RAB44: variants seen among roughly 807,000 people sequenced by gnomAD.
RAB44 encodes ras-related protein Rab-44.
RAB44 carries 67 observed loss-of-function variants against 93.3 expected under a neutral mutation model. The ratio of observed to expected loss-of-function variants is 0.72; its 90% CI spans 0.59 to 0.88. RAB44 has a LOEUF of 0.88. Among genes scored for constraint, RAB44 ranks in the 40% least tolerant of loss-of-function variants. RAB44 has a pLI of 0.00. For missense variants in RAB44, 1,064 were observed against 1,261.7 expected, an observed-to-expected ratio of 0.84 and a Z score of 2.37; for synonymous variants, 427 against 520.3, an observed-to-expected ratio of 0.82 and a Z score of 2.44.
intron 7 of RAB44, 21 bp downstream of exon 7, chr6:36,718,609 G>C (rs998245640): frequency 2.5e-6 from 3 of 1,192,718 alleles, no homozygotes; most frequent in Non-Finnish European, 3.2e-6. Context: ...GGGTTTCCCA[G>C]AAACCTACTT....
At chr6:36,723,832 C>G (rs1763161260) in intron 9 of RAB44, among the ~76,000 whole-genome samples, 2 of 35,614 alleles carry the variant, frequency 5.6e-5, no homozygotes, top group Admixed American at 4.3e-4. Flanking sequence ...AAGATTCCGT[C>G]TCCCAAAAAA....
In RAB44 at chr6:36,723,343, T is replaced by C. The variant is rs141608246; in HGVS notation, c.2599+610T>C. 1.5e-4 allele frequency among the ~76,000 whole-genome samples: 23 copies of C among 152,336 alleles called. No individual in the cohort carries two copies. The East Asian group carries it at 4.2e-3, about 28-fold the overall frequency. ...TAGAGTGGTTGAGGACTAGTTAATA[T>C]GTCAAGATCTTAGAATCATAACTGA... is the stretch of plus-strand genomic sequence containing the variant. On this transcript the variant is annotated intron_variant, in intron 9 of 13. Transcript: ENST00000612677.
In RAB44 at chr6:36,721,253, A is replaced by T; in HGVS notation, c.1119A>T (p.Leu373=). The change falls in exon 9 of 14, where the codon CTA becomes CTT. Residue 373 remains leucine (L), a synonymous_variant. Coordinates refer to ENST00000612677, the MANE Select transcript of RAB44 (RefSeq NM_001257357.2). ...GGGACAACGATGACTGGGACCAGCTACTGAGCAACTTTGGCAGCCCTCCGC... is the reference window on the plus strand; with the variant it reads ...GGGACAACGATGACTGGGACCAGCTTCTGAGCAACTTTGGCAGCCCTCCGC... ...LFGDNDDWDQ[L]LSNFGSPPHG... is the part of the protein sequence containing the mutation. 8.1e-7 allele frequency: 1 copy of T among 1,234,240 alleles called. No homozygotes were observed. The highest frequency in any genetic ancestry group is 1.0e-6 in the Non-Finnish European group (1 of 988,248). 76.5% of individuals were successfully genotyped at this position (1,234,240 alleles called of 1,614,324 possible).
At chr6:36,698,523 G>T (rs866249539) in intron 1 of RAB44, among the ~76,000 whole-genome samples, 1 of 152,156 alleles carries the variant, frequency 6.6e-6, no homozygotes, top group South Asian at 2.1e-4. Context: ...CTTGGGAGTG[G>T]GATTCATTTG....
At chr6:36,729,639 C>T (rs1049186293) in intron 12 of RAB44, among the ~76,000 whole-genome samples, 11 of 152,132 alleles carry the variant, frequency 7.2e-5, no homozygotes, top group Admixed American at 2.0e-4. Flanking sequence ...TGTGCCACCA[C>T]GCCCGGCTAA....
In RAB44 at chr6:36,709,203, G is replaced by A. The variant is rs140443297; in HGVS notation, c.208-4625G>A. Among the ~76,000 whole-genome samples, 718 of 152,044 alleles carry A rather than the reference G, an allele frequency of 4.7e-3. 7 individuals are homozygous for A. The highest frequency in any genetic ancestry group is 0.016 in the African/African-American group (677 of 41,482). ...TAACCTCAGGTGATCCACCCGCCTC[G>A]GCCTCCCAAAGTGCTGGGATTACAG... On this transcript the variant is annotated intron_variant, in intron 2 of 13. Transcript: ENST00000612677.
rs966828962 is a variant in RAB44 at position 36,704,290 on chromosome 6, C to T, written c.55C>T (p.Arg19Trp). ...AGTCCGGAAGCTGGGCTCCAACCGGCGGCGGCAGACAAGAGAGCCAGCTGA... is the reference window on the plus strand; with the variant it reads ...AGTCCGGAAGCTGGGCTCCAACCGGTGGCGGCAGACAAGAGAGCCAGCTGA... ...RKVRKLGSNR[R>W]RQTREPADGE... The change falls in exon 2 of 14, where the codon CGG (arginine) becomes TGG (tryptophan). Residue 19 changes from arginine (R) to tryptophan (W), a missense_variant. By Grantham distance (101) the Arg-to-Trp change is moderately radical (BLOSUM62 -3). Coordinates refer to ENST00000612677, the MANE Select transcript of RAB44 (RefSeq NM_001257357.2). 9 of 1,536,044 alleles carry T rather than the reference C, an allele frequency of 5.9e-6. No individual in the cohort carries two copies. The highest frequency in any genetic ancestry group is 4.1e-5 in the African/African-American group (3 of 73,046).
At chr6:36,707,494 A>G (rs1762677943) in intron 2 of RAB44, among the ~76,000 whole-genome samples, 1 of 152,248 alleles carries the variant, frequency 6.6e-6, no homozygotes, top group African/African-American at 2.4e-5. Flanking sequence ...ACAAAGAGCC[A>G]TAACTAGATT....
In RAB44 at chr6:36,714,870, C is replaced by T. The variant is rs565105665; in HGVS notation, c.320-609C>T. ...CTGGCTCACTCAGTGCCATTCACCTCGTCCATCTTGCTAGCCTGGCTCCTG... is the reference window on the plus strand; with the variant it reads ...CTGGCTCACTCAGTGCCATTCACCTTGTCCATCTTGCTAGCCTGGCTCCTG... On this transcript the variant is annotated intron_variant, in intron 3 of 13. Transcript: ENST00000612677. 5.3e-5 allele frequency among the ~76,000 whole-genome samples: 8 copies of T among 152,364 alleles called. 1 individual carries two copies. The highest frequency in any genetic ancestry group is 3.9e-4 in the Admixed American group (6 of 15,302).
rs1326316373 is a variant in RAB44, at chr6:36,732,998, G to A, written c.*905G>A. ...ACACACTTCTATTTGGAGCTTTTGT[G>A]GAAGTTTCCAGAATTCCATAATATT... On this transcript the variant is annotated 3_prime_UTR_variant, in exon 14 of 14. Coordinates refer to ENST00000612677, the MANE Select transcript of RAB44 (RefSeq NM_001257357.2). 1 of 152,180 alleles carries A rather than the reference G, an allele frequency of 6.6e-6. No homozygotes were observed. The highest frequency in any genetic ancestry group is 1.5e-5 in the Non-Finnish European group (1 of 68,034). 9.4% of individuals were successfully genotyped at this position (152,180 alleles called of 1,614,324 possible). A position where few individuals can be genotyped will look rare whatever the true frequency, so the allele number is the denominator to read the frequency against.
chr6:36,713,446 T>G (rs747847834), intron 2 of RAB44, among the ~76,000 whole-genome samples: 5 of 152,186 alleles, frequency 3.3e-5, no homozygotes, highest in Non-Finnish European at 7.3e-5. Flanking sequence ...TCCACCCACC[T>G]CGACCTCCCA....
rs371155014 is a variant in RAB44 at position 36,726,053 on chromosome 6, A to G, written c.2681+110A>G. ...GGCAGGAGGCAACTGCCCCCCAAGG[A>G]TTCAGGAGGTCAGGGAAGGAGAGAT... On this transcript the variant is annotated intron_variant, in intron 10 of 13. Coordinates refer to ENST00000612677, the MANE Select transcript of RAB44 (RefSeq NM_001257357.2). The G allele has an allele frequency of 7.9e-5, 64 of 814,444 alleles. 1 individual carries two copies. In the East Asian group the frequency reaches 8.7e-4, roughly 11 times the overall value. The allele number at this position is 814,444 out of a possible 1,614,324, so 50.5% of individuals were successfully genotyped here. A position where few individuals can be genotyped will look rare whatever the true frequency, so the allele number is the denominator to read the frequency against.
intron 1 of RAB44, among the ~76,000 whole-genome samples, chr6:36,701,946 CAT>C (rs58416452): frequency 0.11 from 17,168 of 152,076 alleles, 1,153 homozygotes; most frequent in African/African-American, 0.18. Context: ...TTAAAGGAAA[CAT>C]ATGGATTGCA....
At position 36,730,705 on chromosome 6, in the gene RAB44, C is replaced by T. The variant is rs1484302656; in HGVS notation, c.2931C>T (p.Ala977=). ...ELGVYFGECS[A]ALGHNILEPV... ...GGGTCTATTTTGGGGAGTGCAGTGC[C>T]GCCTTGGGTCACAACATCCTGGAGC... The change falls in exon 13 of 14, where the codon GCC becomes GCT. Residue 977 remains alanine (A), a synonymous_variant. Transcript: ENST00000612677. 1.9e-5 allele frequency: 23 copies of T among 1,234,240 alleles called. No homozygotes were observed. Among genetic ancestry groups the T allele is most frequent in the Admixed American group, 4.2e-5 (1 of 23,714 alleles). 76.5% of individuals were successfully genotyped at this position (1,234,240 alleles called of 1,614,324 possible). A position where few individuals can be genotyped will look rare whatever the true frequency, so the allele number is the denominator to read the frequency against.
intron 13 of RAB44, 65 bp downstream of exon 13, chr6:36,730,814 G>C: frequency 4.0e-6 from 3 of 751,734 alleles, no homozygotes; most frequent in Non-Finnish European, 3.3e-6. Context: ...GGACAGCTCC[G>C]GCCCCACTCT....
intron 7 of RAB44, among the ~76,000 whole-genome samples, 180 bp from the exon 8 acceptor site, chr6:36,720,183 A>AAT (rs1763035186): frequency 6.6e-6 from 1 of 152,042 alleles, no homozygotes; most frequent in African/African-American, 2.4e-5. Flanking sequence ...CCTCCTAGAT[A>AAT]GGAGCTAATG....
chr6:36,699,192 G>T (rs1762454421), intron 1 of RAB44, among the ~76,000 whole-genome samples: 1 of 152,170 alleles, frequency 6.6e-6, no homozygotes, highest in Non-Finnish European at 1.5e-5. Context: ...GAGGGCAGAT[G>T]CTGAGGTGGG....
At position 36,720,475 on chromosome 6, in the gene RAB44, G is replaced by A; in HGVS notation, c.941G>A (p.Gly314Glu). ...DLAGRLEEVR[G>E]QLQVTRGRLD... The stretch of plus-strand genomic sequence containing the variant: ...GCTGGGCGGCTGGAGGAGGTGCGGG[G>A]GCAGCTGCAGGTGACCAGGGGGCGC... Residue 314 changes from glycine to glutamate, a missense_variant, in exon 8 of 14, where the codon GGG becomes GAG. Gly to Glu is a moderately conservative substitution (Grantham distance 98). Coordinates refer to ENST00000612677, the MANE Select transcript of RAB44 (RefSeq NM_001257357.2). 1 of 1,233,138 alleles carries A rather than the reference G, an allele frequency of 8.1e-7. No homozygotes were observed. The highest frequency in any genetic ancestry group is 1.0e-6 in the Non-Finnish European group (1 of 988,364). The allele number at this position is 1,233,138 out of a possible 1,614,324, so 76.4% of individuals were successfully genotyped here.
intron 1 of RAB44, among the ~76,000 whole-genome samples, chr6:36,699,372 C>A (rs1204073857): frequency 6.6e-6 from 1 of 152,184 alleles, no homozygotes; most frequent in Admixed American, 6.5e-5. Context: ...TAACATCCTA[C>A]ACCTGTGGGA....
Sources: gnomAD v4.1 joint callset for allele counts (sites outside exome capture counted in the v4.1 genomes callset) on GRCh38, gnomAD v4.1.1 for gene constraint, MANE v1.5 for transcripts, NCBI Gene and HGNC (gene_info 2026-07-23, HGNC 2026-07-21) for gene names.